The following GADL1 variants were observed in gnomAD, a reference collection of about 807,000 sequenced individuals.
GADL1 encodes the protein acidic amino acid decarboxylase GADL1.
Under a neutral mutation model 69.5 loss-of-function variants are expected in GADL1, and 71 were observed. That is an observed-to-expected ratio of 1.02 (90% CI 0.84 to 1.25). GADL1 has a LOEUF of 1.25. Among genes scored for constraint, GADL1 ranks in the 50% most tolerant of loss-of-function variants. GADL1 has a pLI of 0.00. For synonymous variants in GADL1, 254 were observed against 214.4 expected (o/e 1.18, Z -1.62); for missense variants, 737 against 631.8 (o/e 1.17, Z -1.79).
intron 14 of GADL1, among the ~76,000 whole-genome samples, chr3:30,737,256 G>T (rs529963221): frequency 6.6e-6 from 1 of 152,244 alleles, no homozygotes; most frequent in Non-Finnish European, 1.5e-5. Flanking sequence ...CAAAGGTGAG[G>T]TTGGAGGTAA....
chr3:30,803,605 C>G (rs1397887987), intron 11 of GADL1, among the ~76,000 whole-genome samples: 1 of 152,128 alleles, frequency 6.6e-6, no homozygotes, highest in Non-Finnish European at 1.5e-5. Flanking sequence ...GCCAAGAAAG[C>G]AAATAGCAGA....
chr3:30,786,470 A>T (rs1238069343), intron 12 of GADL1, 64 bp from the exon 13 acceptor site: 1 of 852,234 alleles, frequency 1.2e-6, no homozygotes, highest in Non-Finnish European at 2.0e-6. Flanking sequence ...AACATGACTG[A>T]TATGACAAAA....
chr3:30,727,514 T>C lies in GADL1; in HGVS notation c.*728A>G, dbSNP rs925864577. On this transcript the variant is annotated 3_prime_UTR_variant, in exon 15 of 15. Transcript: ENST00000282538. Reference sequence around the variant, plus strand: ...TCAGCCTGCATAAAACATAAATCTCTATGAAGTAAACATCTTATACAGTTT... The same window carrying C: ...TCAGCCTGCATAAAACATAAATCTCCATGAAGTAAACATCTTATACAGTTT... The C allele has an allele frequency of 2.0e-5, 3 of 151,898 alleles. No individual in the cohort carries two copies. Among genetic ancestry groups the C allele is most frequent in the Non-Finnish European group, 4.4e-5 (3 of 67,988 alleles). 9.4% of individuals were successfully genotyped at this position (151,898 alleles called of 1,614,324 possible).
intron 14 of GADL1, among the ~76,000 whole-genome samples, chr3:30,764,012 C>T (rs3911711): frequency 0.093 from 14,116 of 152,066 alleles, 708 homozygotes; most frequent in South Asian, 0.23. Flanking sequence ...ACTAAACAAA[C>T]CTCAAATCTC....
chr3:30,867,984 G>A (rs977485219), intron 1 of GADL1, among the ~76,000 whole-genome samples: 3 of 152,002 alleles, frequency 2.0e-5, no homozygotes, highest in Non-Finnish European at 4.4e-5. Flanking sequence ...TTGAACATAT[G>A]CACTAATAAA....
chr3:30,763,427 G>A (rs1417926175), intron 14 of GADL1, among the ~76,000 whole-genome samples: 3 of 149,066 alleles, frequency 2.0e-5, no homozygotes, highest in African/African-American at 2.5e-5. Flanking sequence ...GGCTGAACCC[G>A]GGAGGTGGAA....
intron 14 of GADL1, among the ~76,000 whole-genome samples, chr3:30,749,958 G>A (rs891140798): frequency 6.6e-6 from 1 of 152,196 alleles, no homozygotes; most frequent in Admixed American, 6.5e-5. Context: ...ATGGAAAAGA[G>A]TGCTTTGGGC....
chr3:30,757,528 C>G (rs983054818), intron 14 of GADL1, among the ~76,000 whole-genome samples: 2 of 152,162 alleles, frequency 1.3e-5, no homozygotes, highest in African/African-American at 4.8e-5. Flanking sequence ...AGCCTTAAAG[C>G]TAATGTAATG....
intron 1 of GADL1, among the ~76,000 whole-genome samples, chr3:30,891,971 A>G (rs922824923): frequency 6.6e-6 from 1 of 152,164 alleles, no homozygotes; most frequent in Non-Finnish European, 1.5e-5. Flanking sequence ...CAAATTTTTG[A>G]CCCACCATGA....
At chr3:30,848,152 T>C (rs6763945) in intron 6 of GADL1, among the ~76,000 whole-genome samples, 1 of 152,092 alleles carries the variant, frequency 6.6e-6, no homozygotes, top group Non-Finnish European at 1.5e-5. Flanking sequence ...GAAACTCTAT[T>C]CAATAACAAT....
chr3:30,801,816 G>A (rs555166683), intron 11 of GADL1, among the ~76,000 whole-genome samples: 1 of 152,212 alleles, frequency 6.6e-6, no homozygotes, highest in East Asian at 1.9e-4. Flanking sequence ...ATGTCATCTA[G>A]TGTCTACAAA....
At chr3:30,876,255 T>A (rs1698575311) in intron 1 of GADL1, among the ~76,000 whole-genome samples, 1 of 152,066 alleles carries the variant, frequency 6.6e-6, no homozygotes, top group East Asian at 1.9e-4. Flanking sequence ...CTAGAAGGTA[T>A]CAGAGATCAA....
At chr3:30,889,250 A>G (rs1452637351) in intron 1 of GADL1, among the ~76,000 whole-genome samples, 3 of 152,100 alleles carry the variant, frequency 2.0e-5, no homozygotes, top group Non-Finnish European at 4.4e-5. Flanking sequence ...CCTTTATAAA[A>G]CCACTGAGTC....
intron 14 of GADL1, among the ~76,000 whole-genome samples, chr3:30,771,584 G>A (rs558216052): frequency 5.9e-5 from 9 of 152,130 alleles, no homozygotes; most frequent in African/African-American, 1.7e-4. Flanking sequence ...GCTTGAAAGC[G>A]AGTGATAACT....
chr3:30,869,772 TGAA>T (rs1418772255), intron 1 of GADL1, among the ~76,000 whole-genome samples: 8 of 151,938 alleles, frequency 5.3e-5, no homozygotes, highest in African/African-American at 1.9e-4. Context: ...CATAAAATAT[TGAA>T]TTGCTACTAT....
chr3:30,777,392 C>A (rs1044413388), intron 14 of GADL1, among the ~76,000 whole-genome samples: 1 of 152,118 alleles, frequency 6.6e-6, no homozygotes, highest in Admixed American at 6.5e-5. Flanking sequence ...TGGTGCTAGC[C>A]CATAAGAACT....
intron 12 of GADL1, among the ~76,000 whole-genome samples, chr3:30,787,328 AAT>A (rs1696817054): frequency 6.6e-6 from 1 of 152,164 alleles, no homozygotes; most frequent in Non-Finnish European, 1.5e-5. Context: ...TGAAATATGG[AAT>A]ATGAGTGAGA....
intron 9 of GADL1, among the ~76,000 whole-genome samples, chr3:30,835,257 T>G (rs772157579): frequency 6.6e-6 from 1 of 151,808 alleles, no homozygotes; most frequent in Non-Finnish European, 1.5e-5. Flanking sequence ...AACTGGGGAG[T>G]ATAGCATGTA....
chr3:30,882,757 T>C (rs1698659409), intron 1 of GADL1, among the ~76,000 whole-genome samples: 1 of 152,002 alleles, frequency 6.6e-6, no homozygotes, highest in Non-Finnish European at 1.5e-5. Flanking sequence ...ACATAGCAGT[T>C]ACACCATTGT....
Sources: gnomAD v4.1 joint callset for allele counts (sites outside exome capture counted in the v4.1 genomes callset) on GRCh38, gnomAD v4.1.1 for gene constraint, MANE v1.5 for transcripts, NCBI Gene and HGNC (gene_info 2026-07-23, HGNC 2026-07-21) for gene names.